The following PKD1L1 variants were observed in gnomAD, a reference collection of about 807,000 sequenced individuals.
PKD1L1 encodes polycystin-1-like protein 1.
A neutral mutation model predicts 323.4 loss-of-function variants in PKD1L1; 236 were observed. The ratio of observed to expected loss-of-function variants is 0.73; its 90% CI spans 0.66 to 0.81. The LOEUF is 0.81. Among genes scored for constraint, PKD1L1 ranks in the 40% least tolerant of loss-of-function variants. The pLI, the probability that PKD1L1 is intolerant of heterozygous loss-of-function variation, is 0.00. For synonymous variants in PKD1L1, 1,344 were observed against 1,335.0 expected (o/e 1.01, Z -0.15); for missense variants, 3,320 against 3,508.0 (o/e 0.95, Z 1.35).
At chr7:47,872,590 T>G (rs1221499835) in intron 24 of PKD1L1, among the ~76,000 whole-genome samples, 1 of 152,224 alleles carries the variant, frequency 6.6e-6, no homozygotes, top group African/African-American at 2.4e-5. Flanking sequence ...TATGAAAAGA[T>G]GCTCAACCTC....
At chr7:47,886,110 CT>C in intron 17 of PKD1L1, 56 bp from the exon 18 acceptor site, 1 of 1,541,506 alleles carries the variant, frequency 6.5e-7, no homozygotes, top group Non-Finnish European at 8.7e-7. Flanking sequence ...AAAATATTTG[CT>C]TAAAAAGTCT....
intron 28 of PKD1L1, 32 bp downstream of exon 28, chr7:47,857,572 AT>A: frequency 6.3e-7 from 1 of 1,576,512 alleles, no homozygotes; most frequent in Non-Finnish European, 8.7e-7. Context: ...TGAAATGGTC[AT>A]TAGAAGTGGC....
At chr7:47,904,215 C>T (rs1042615601) in intron 12 of PKD1L1, among the ~76,000 whole-genome samples, 163 bp downstream of exon 12, 1 of 152,204 alleles carries the variant, frequency 6.6e-6, no homozygotes, top group African/African-American at 2.4e-5. Context: ...GGACTAGGAG[C>T]TCCTTGAGAA....
intron 1 of PKD1L1, among the ~76,000 whole-genome samples, chr7:47,944,774 T>G (rs1213413513): frequency 6.6e-6 from 1 of 152,234 alleles, no homozygotes; most frequent in Non-Finnish European, 1.5e-5. Flanking sequence ...ATCTGGTCCC[T>G]GGTCATTCCC....
chr7:47,812,869 A>G (rs1784930327), intron 49 of PKD1L1, among the ~76,000 whole-genome samples: 1 of 152,234 alleles, frequency 6.6e-6, no homozygotes, highest in Non-Finnish European at 1.5e-5. Context: ...TCCATGAGCT[A>G]CAGATGTTCT....
In PKD1L1 at chr7:47,823,017, T is replaced by G. The variant is rs938734748; in HGVS notation, c.6855-1831A>C. On this transcript the variant is annotated intron_variant, in intron 45 of 56. Transcript: ENST00000289672. ...AAAATTTATGTCATTTGCCATTAGATGGTTTTATTTCTTCCTTTCAAATCA... is the reference window on the plus strand; with the variant it reads ...AAAATTTATGTCATTTGCCATTAGAGGGTTTTATTTCTTCCTTTCAAATCA... Among the ~76,000 whole-genome samples, 3 of 152,196 alleles carry G rather than the reference T, an allele frequency of 2.0e-5. No individual in the cohort carries two copies. The East Asian group carries it at 5.8e-4, about 29-fold the overall frequency.
At chr7:47,859,250 T>A (rs1224213530) in intron 26 of PKD1L1, among the ~76,000 whole-genome samples, 2 of 152,076 alleles carry the variant, frequency 1.3e-5, no homozygotes, top group Non-Finnish European at 2.9e-5. Context: ...ACTTTGCAAA[T>A]CCCTTCACAA....
Position 47,885,987 on chromosome 7 carries a change from C to T in PKD1L1, c.2904G>A (p.Gln968=). 2 of 1,614,212 alleles carry T rather than the reference C, an allele frequency of 1.2e-6. No individual in the cohort carries two copies. ...LGLGAISESS[Q]LNLLPTEPGT... ...CAGGCTCAGTGGGCAGCAGGTTTAA[C>T]TGTGATGACTCTGAAATGGCACCGA... Residue 968 remains glutamine, a synonymous_variant, in exon 18 of 57, where the codon CAG becomes CAA. Transcript: ENST00000289672.
At chr7:47,780,340 A>G (rs1344382376) in intron 56 of PKD1L1, among the ~76,000 whole-genome samples, 1 of 152,088 alleles carries the variant, frequency 6.6e-6, no homozygotes, top group East Asian at 1.9e-4. Context: ...CATTTTAAGA[A>G]TGTTATATTG....
intron 45 of PKD1L1, among the ~76,000 whole-genome samples, 188 bp from the exon 46 acceptor site, chr7:47,821,374 T>C (rs1054124602): frequency 3.3e-5 from 5 of 152,034 alleles, no homozygotes; most frequent in African/African-American, 9.7e-5. Flanking sequence ...GTTCAAGCGA[T>C]TCTCCTGTCT....
intron 1 of PKD1L1, among the ~76,000 whole-genome samples, chr7:47,943,798 C>G (rs764731505): frequency 6.6e-6 from 1 of 152,194 alleles, no homozygotes; most frequent in Non-Finnish European, 1.5e-5. Flanking sequence ...CCAGGGCTTC[C>G]TGCCCAGATG....
intron 22 of PKD1L1, among the ~76,000 whole-genome samples, chr7:47,876,636 G>A (rs996713042): frequency 1.3e-5 from 2 of 152,120 alleles, no homozygotes; most frequent in African/African-American, 4.8e-5. Context: ...GACCTCTGGA[G>A]GACAAGGGTG....
At position 47,894,006 on chromosome 7, in the gene PKD1L1, C is replaced by T. The variant is rs751852040; in HGVS notation, c.2325G>A (p.Val775=). 7.5e-6 allele frequency: 12 copies of T among 1,610,428 alleles called. No individual in the cohort carries two copies. In the African/African-American group the frequency reaches 1.3e-4, roughly 18 times the overall value. Reference sequence around the variant, plus strand: ...TCACACTGACAGGGGCCTGGGCTCGCACCTCCAGGCCCACACAGTAGTTGC... The same window carrying T: ...TCACACTGACAGGGGCCTGGGCTCGTACCTCCAGGCCCACACAGTAGTTGC... ...VYSNYCVGLE[V]RAQAPVSVIS... is the part of the protein sequence containing the mutation. The change falls in exon 15 of 57, where the codon GTG becomes GTA. Residue 775 remains valine, a synonymous_variant. Transcript: ENST00000289672.
At position 47,905,865 on chromosome 7, in the gene PKD1L1, C is replaced by A; in HGVS notation, c.1500G>T (p.Met500Ile). The A allele has an allele frequency of 6.2e-7, 1 of 1,613,206 alleles. No homozygotes were observed. The highest frequency in any genetic ancestry group is 8.5e-7 in the Non-Finnish European group (1 of 1,179,846). Reference protein sequence around the residue: ...QVGDSQAWHSMTVWYKMQSVS... With the variant: ...QVGDSQAWHSITVWYKMQSVS... Reference sequence around the variant, plus strand: ...TACATTGCATCTTATACCAGACAGTCATGCTGTGCCAAGCCTGGCTGTCAC... The same window carrying A: ...TACATTGCATCTTATACCAGACAGTAATGCTGTGCCAAGCCTGGCTGTCAC... Residue 500 changes from methionine to isoleucine, a missense_variant, in exon 10 of 57, where the codon ATG (methionine) becomes ATT (isoleucine). Met to Ile is a conservative substitution (Grantham distance 10). Transcript: ENST00000289672.
chr7:47,791,231 T>C (rs1437092011), intron 56 of PKD1L1, among the ~76,000 whole-genome samples: 4 of 152,212 alleles, frequency 2.6e-5, no homozygotes, highest in African/African-American at 9.6e-5. Context: ...ACGCACATTC[T>C]TCCTGGTCTG....
chr7:47,873,890 G>A lies in PKD1L1; in HGVS notation c.3896+9C>T. On this transcript the variant is annotated intron_variant, in intron 24 of 56. Coordinates refer to ENST00000289672, the MANE Select transcript of PKD1L1 (RefSeq NM_138295.5). ...GGCTAGGATGTCTGTGTGGCATTGT[G>A]TTACTCACAGGTCCTCGCCCAGACA... is the stretch of plus-strand genomic sequence containing the variant. The A allele has an allele frequency of 6.2e-7, 1 of 1,602,316 alleles. No individual in the cohort carries two copies. The highest frequency in any genetic ancestry group is 1.1e-5 in the South Asian group (1 of 90,292).
chr7:47,830,241 G>C, intron 42 of PKD1L1, 117 bp from the exon 43 acceptor site: 2 of 791,564 alleles, frequency 2.5e-6, no homozygotes, highest in Non-Finnish European at 4.1e-6. Flanking sequence ...CGCCGTGGCA[G>C]GAAGCCTGCT....
At chr7:47,954,298 C>T in the PKD1L1 span, among the ~76,000 whole-genome samples, 1 of 152,148 alleles carries the variant, frequency 6.6e-6, no homozygotes, top group African/African-American at 2.4e-5. Context: ...TTTGGTAAGG[C>T]TTATGTTATG....
rs373935624 is a variant in PKD1L1 at position 47,848,541 on chromosome 7, G to A, written c.4961-1470C>T. Among the ~76,000 whole-genome samples, 5 of 152,296 alleles carry A rather than the reference G, an allele frequency of 3.3e-5. No individual in the cohort carries two copies. The East Asian group carries it at 5.8e-4, about 18-fold the overall frequency. On this transcript the variant is annotated intron_variant, in intron 31 of 56. Coordinates refer to ENST00000289672, the MANE Select transcript of PKD1L1 (RefSeq NM_138295.5). ...TATAATCATCGAGGCTGGGCGCAGT[G>A]GCTCACGCCTGTAATCCCAGCACTT...
Sources: gnomAD v4.1 joint callset for allele counts (sites outside exome capture counted in the v4.1 genomes callset) on GRCh38, gnomAD v4.1.1 for gene constraint, MANE v1.5 for transcripts, NCBI Gene and HGNC (gene_info 2026-07-23, HGNC 2026-07-21) for gene names.